Variants in PRKCZ observed in about 807,000 individuals in gnomAD.
PRKCZ encodes protein kinase C zeta.
PRKCZ carries 33 observed loss-of-function variants against 79.5 expected under a neutral mutation model. That is an observed-to-expected ratio of 0.41 (90% CI 0.31 to 0.55). The LOEUF (loss-of-function observed/expected upper bound fraction) is 0.55, where lower values mean the gene tolerates loss of function less well. Among genes scored for constraint, PRKCZ ranks in the 20% least tolerant of loss-of-function variants. The pLI is 0.19. For missense variants in PRKCZ, 578 were observed against 813.5 expected (o/e 0.71, Z 3.52); for synonymous variants, 342 against 320.9 (o/e 1.07, Z -0.70).
intron 4 of PRKCZ, among the ~76,000 whole-genome samples, chr1:2,095,617 C>A (rs1666321782): frequency 2.0e-5 from 3 of 152,014 alleles, no homozygotes; most frequent in African/African-American, 7.3e-5. Context: ...GCCGGCTGTG[C>A]CCAAAGTCAT....
chr1:2,138,214 G>T (rs1038378434), intron 5 of PRKCZ, among the ~76,000 whole-genome samples: 1 of 152,236 alleles, frequency 6.6e-6, no homozygotes, highest in Non-Finnish European at 1.5e-5. Flanking sequence ...GGAGAAGAGA[G>T]ACTTTTCCGT....
chr1:2,167,242 T>C (rs1001072315), intron 10 of PRKCZ, among the ~76,000 whole-genome samples: 1 of 152,266 alleles, frequency 6.6e-6, no homozygotes, highest in Non-Finnish European at 1.5e-5. Context: ...TTGGCTTTTC[T>C]CTGGAGAAGA....
intron 5 of PRKCZ, among the ~76,000 whole-genome samples, chr1:2,138,244 A>C (rs1676621774): frequency 6.6e-6 from 1 of 152,248 alleles, no homozygotes; most frequent in Non-Finnish European, 1.5e-5. Flanking sequence ...TGGTGAAGCG[A>C]GGATGAAAGA....
At chr1:2,121,660 T>C in intron 4 of PRKCZ, among the ~76,000 whole-genome samples, 1 of 137,360 alleles carries the variant, frequency 7.3e-6, no homozygotes, top group East Asian at 2.1e-4. Flanking sequence ...ACGGTGGTGG[T>C]TAGGGTCGTG....
chr1:2,059,394 T>C (rs1364581306), intron 3 of PRKCZ, 147 bp from the exon 4 acceptor site: 1 of 931,918 alleles, frequency 1.1e-6, no homozygotes. Context: ...GTTTTGCGTC[T>C]CCCAGGAGCG....
At chr1:2,051,282 C>A (rs753293913) in intron 1 of PRKCZ, among the ~76,000 whole-genome samples, 1 of 152,166 alleles carries the variant, frequency 6.6e-6, no homozygotes, top group Non-Finnish European at 1.5e-5. Context: ...CCTTGCCTGG[C>A]TGTGGGAGGG....
intron 1 of PRKCZ, among the ~76,000 whole-genome samples, chr1:2,054,263 C>T (rs1218596045): frequency 4.6e-5 from 7 of 152,132 alleles, no homozygotes; most frequent in African/African-American, 9.7e-5. Context: ...GCTCTTGCCC[C>T]GCGCTCTTGT....
intron 5 of PRKCZ, among the ~76,000 whole-genome samples, chr1:2,139,439 A>C (rs1426599110): frequency 6.6e-6 from 1 of 152,014 alleles, no homozygotes. Flanking sequence ...AATACAAAAA[A>C]AGTAGCCAGG....
At position 2,177,411 on chromosome 1, in the gene PRKCZ, A is replaced by G. The variant is rs933433350; in HGVS notation, c.1575+2098A>G. The stretch of plus-strand genomic sequence containing the variant: ...CCACCGTATGGGGCCCACCAGCACC[A>G]TGGGATCCAGGGAGAGCCCGATCCT... On this transcript the variant is annotated intron_variant, in intron 16 of 17. Coordinates refer to ENST00000378567, the MANE Select transcript of PRKCZ (RefSeq NM_002744.6). This position sits in a 1 kb window ranked among gnomAD's most constrained non-coding sequence, Gnocchi z 6.4. Among the ~76,000 whole-genome samples, 12 of 152,092 alleles carry G rather than the reference A, an allele frequency of 7.9e-5. No homozygotes were observed. The highest frequency in any genetic ancestry group is 7.2e-4 in the Admixed American group (11 of 15,276).
chr1:2,148,808 G>C, intron 7 of PRKCZ, 64 bp from the exon 8 acceptor site: 1 of 1,532,182 alleles, frequency 6.5e-7, no homozygotes, highest in Non-Finnish European at 9.0e-7. Flanking sequence ...CCACAGGGTC[G>C]CTGTGTTCCC....
Position 2,173,171 on chromosome 1 carries a change from T to G in PRKCZ, c.1286-726T>G, listed in dbSNP as rs1431865425. Among the ~76,000 whole-genome samples, 2 of 152,196 alleles carry G rather than the reference T, an allele frequency of 1.3e-5. No individual in the cohort carries two copies. Among genetic ancestry groups the G allele is most frequent in the African/African-American group, 2.4e-5 (1 of 41,462 alleles). On this transcript the variant is annotated intron_variant, in intron 13 of 17. Transcript: ENST00000378567. The surrounding 1 kb of genome is among the most constrained non-coding windows in gnomAD (Gnocchi z 5.7). ...TTCAGACATTTTTACACATTTTTTT[T>G]GCCATCAGAATGGGTGTGGGGCAGG...
In PRKCZ at chr1:2,185,127, C is replaced by A; in HGVS notation, c.*118C>A. On this transcript the variant is annotated 3_prime_UTR_variant, in exon 18 of 18. Transcript: ENST00000378567. ...GAGGGCGGCCAGGGACAGACGCTTG[C>A]GCCGAGACCGCAGAGGGAAGCGTCA... The A allele has an allele frequency of 1.0e-6, 1 of 977,594 alleles. No homozygotes were observed. Among genetic ancestry groups the A allele is most frequent in the Non-Finnish European group, 1.6e-6 (1 of 643,052 alleles). The allele number at this position is 977,594 out of a possible 1,614,324, so 60.6% of individuals were successfully genotyped here.
In PRKCZ at chr1:2,169,690, C is replaced by T. The variant is rs1314525290; in HGVS notation, c.1061+86C>T. On this transcript the variant is annotated intron_variant, in intron 11 of 17. Coordinates refer to ENST00000378567, the MANE Select transcript of PRKCZ (RefSeq NM_002744.6). Reference sequence around the variant, plus strand: ...GCGGTGTTGGGGGGCTGGGTGGGTGCGCACAGAGGGATGACGGGTGGGTGC... The same window carrying T: ...GCGGTGTTGGGGGGCTGGGTGGGTGTGCACAGAGGGATGACGGGTGGGTGC... 61 of 801,054 alleles carry T rather than the reference C, an allele frequency of 7.6e-5. No individual in the cohort carries two copies. In the South Asian group the frequency reaches 1.1e-3, roughly 15 times the overall value. The allele number at this position is 801,054 out of a possible 1,614,324, so 49.6% of individuals were successfully genotyped here.
chr1:2,161,016 C>T (rs1432268242), intron 10 of PRKCZ, among the ~76,000 whole-genome samples: 7 of 152,070 alleles, frequency 4.6e-5, no homozygotes, highest in African/African-American at 1.2e-4. Context: ...AGGACAGCCT[C>T]GGCCGCGACC....
chr1:2,183,466 T>TTCCC (rs1687042986), intron 16 of PRKCZ: 1 of 150,574 alleles, frequency 6.6e-6, no homozygotes, highest in Non-Finnish European at 1.5e-5. Flanking sequence ...AGTGAGAGGG[T>TTCCC]GAATGGGAGT....
At chr1:2,133,874 CCT>C (rs1675583394) in intron 4 of PRKCZ, 1 of 152,308 alleles carries the variant, frequency 6.6e-6, no homozygotes, top group African/African-American at 2.4e-5. Flanking sequence ...CAGGATGCGC[CCT>C]GTCTTCGTGG....
rs527798073 is a variant in PRKCZ at position 2,069,319 on chromosome 1, G to A, written c.334+9728G>A. Reference sequence around the variant, plus strand: ...GTCCAGGAGGTGATGGGCAGCTGGAGAACCCCCGTGAGTGGAGGCTGCTGT... The same window carrying A: ...GTCCAGGAGGTGATGGGCAGCTGGAAAACCCCCGTGAGTGGAGGCTGCTGT... On this transcript the variant is annotated intron_variant, in intron 4 of 17. Transcript: ENST00000378567. Among the ~76,000 whole-genome samples, 3 of 152,276 alleles carry A rather than the reference G, an allele frequency of 2.0e-5. No homozygotes were observed. In the South Asian group the frequency reaches 6.2e-4, roughly 32 times the overall value.
chr1:2,168,934 G>A lies in PRKCZ; in HGVS notation c.975-584G>A. 1 of 333,528 alleles carries A rather than the reference G, an allele frequency of 3.0e-6. No homozygotes were observed. Among genetic ancestry groups the A allele is most frequent in the Non-Finnish European group, 6.1e-6 (1 of 163,536 alleles). The allele number at this position is 333,528 out of a possible 1,614,324, so 20.7% of individuals were successfully genotyped here. On this transcript the variant is annotated intron_variant, in intron 10 of 17. Coordinates refer to ENST00000378567, the MANE Select transcript of PRKCZ (RefSeq NM_002744.6). This position sits in a 1 kb window ranked among gnomAD's most constrained non-coding sequence, Gnocchi z 4.7. ...TGGCCCAGTCCCTGAGACGGGAAGG[G>A]CCTGCGTGGTCCTGATGACATCTGC...
intron 4 of PRKCZ, among the ~76,000 whole-genome samples, chr1:2,066,908 A>G (rs1187612374): frequency 6.6e-6 from 1 of 152,222 alleles, no homozygotes; most frequent in Non-Finnish European, 1.5e-5. Flanking sequence ...CAAAAAGTTC[A>G]TCACTATAAA....
Sources: allele counts gnomAD v4.1 joint callset (sites outside exome capture counted in the v4.1 genomes callset), GRCh38; gene constraint gnomAD v4.1.1; non-coding constraint Gnocchi (gnomAD v3.1); transcripts MANE v1.5; gene names NCBI Gene and HGNC (gene_info 2026-07-23, HGNC 2026-07-21).